The following MBOAT1 variants were observed in gnomAD, a reference collection of about 807,000 sequenced individuals.
MBOAT1 encodes the protein membrane-bound glycerophospholipid O-acyltransferase 1.
A neutral mutation model predicts 64.4 loss-of-function variants in MBOAT1; 67 were observed. The observed-to-expected ratio is 1.04, with a 90% confidence interval of 0.85 to 1.27. MBOAT1 has a LOEUF of 1.27. MBOAT1 is among the 50% of genes most tolerant of loss of function. The pLI is 0.00. For missense variants in MBOAT1, 563 were observed against 604.6 expected (o/e 0.93, Z 0.72); for synonymous variants, 229 against 218.9 (o/e 1.05, Z -0.41).
chr6:20,133,682 C>T lies in MBOAT1; in HGVS notation c.420-2483G>A, dbSNP rs576067040. ...ATGTTCAATTGATAAAGAGATAAGA[C>T]GTGTCATGGTATTAGCCTATCTTTC... On this transcript the variant is annotated intron_variant, in intron 4 of 12. Coordinates refer to ENST00000324607, the MANE Select transcript of MBOAT1 (RefSeq NM_001080480.3). 7.9e-5 allele frequency among the ~76,000 whole-genome samples: 12 copies of T among 152,296 alleles called. No individual in the cohort carries two copies. The South Asian group carries it at 1.7e-3, about 21-fold the overall frequency.
At chr6:20,106,863 C>G (rs1250909383) in intron 12 of MBOAT1, among the ~76,000 whole-genome samples, 1 of 152,116 alleles carries the variant, frequency 6.6e-6, no homozygotes, top group Non-Finnish European at 1.5e-5. Flanking sequence ...CTGTTTCATC[C>G]TAAACAAAGG....
intron 1 of MBOAT1, among the ~76,000 whole-genome samples, chr6:20,178,161 C>T (rs574348499): frequency 5.3e-5 from 8 of 152,264 alleles, no homozygotes; most frequent in African/African-American, 1.4e-4. Context: ...TTTTCAATGG[C>T]GTAAACTTAA....
intron 4 of MBOAT1, 24 bp from the exon 5 acceptor site, chr6:20,131,223 C>G (rs1760819219): frequency 6.2e-7 from 1 of 1,606,492 alleles, no homozygotes; most frequent in East Asian, 2.2e-5. Flanking sequence ...AGAAAATAAT[C>G]AAGATTGGCA....
chr6:20,192,680 G>A (rs561609379), intron 1 of MBOAT1, among the ~76,000 whole-genome samples: 23 of 152,286 alleles, frequency 1.5e-4, no homozygotes, highest in East Asian at 1.2e-3. Context: ...CCTAAAGAGC[G>A]CACTAAAACC....
intron 1 of MBOAT1, among the ~76,000 whole-genome samples, chr6:20,191,526 C>T (rs1762800968): frequency 6.6e-6 from 1 of 152,184 alleles, no homozygotes; most frequent in Admixed American, 6.5e-5. Context: ...CAGTGTCCCT[C>T]CTAAAAGTTA....
chr6:20,168,966 G>A (rs1160296836), intron 1 of MBOAT1, among the ~76,000 whole-genome samples: 3 of 151,928 alleles, frequency 2.0e-5, no homozygotes, highest in South Asian at 2.1e-4. Flanking sequence ...AGAAGAAAAC[G>A]ATGGAACAGA....
Position 20,212,235 on chromosome 6 carries a change from C to T in MBOAT1, c.-1G>A, listed in dbSNP as rs772465392. 1 of 1,611,250 alleles carries T rather than the reference C, an allele frequency of 6.2e-7. No homozygotes were observed. The highest frequency in any genetic ancestry group is 1.7e-5 in the Admixed American group (1 of 59,896). On this transcript the variant is annotated 5_prime_UTR_variant, in exon 1 of 13. Coordinates refer to ENST00000324607, the MANE Select transcript of MBOAT1 (RefSeq NM_001080480.3). Reference sequence around the variant, plus strand: ...TGGACGGCTGCGGCTCTGCTGCCATCCTGCATCTTCGGGAGGTGGCTGCCC... The same window carrying T: ...TGGACGGCTGCGGCTCTGCTGCCATTCTGCATCTTCGGGAGGTGGCTGCCC...
chr6:20,110,162 G>A (rs1367768276), intron 11 of MBOAT1, among the ~76,000 whole-genome samples: 2 of 151,394 alleles, frequency 1.3e-5, no homozygotes, highest in Non-Finnish European at 2.9e-5. Flanking sequence ...GCCCACCTTG[G>A]CCGCCCAAAG....
chr6:20,109,649 G>T lies in MBOAT1; in HGVS notation c.1310C>A (p.Thr437Lys). 1 of 1,614,172 alleles carries T rather than the reference G, an allele frequency of 6.2e-7. No homozygotes were observed. The change falls in exon 12 of 13, where the codon ACG becomes AAG. Residue 437 changes from threonine (T) to lysine (K), a missense_variant. Physicochemically the swap from Thr to Lys is moderately conservative, Grantham distance 78 (BLOSUM62 -1). Transcript: ENST00000324607. Reference protein sequence around the residue: ...WAVTQLAVSYTVAPFVMLAVE... With the variant: ...WAVTQLAVSYKVAPFVMLAVE... Reference sequence around the variant, plus strand: ...TGCCAACATCACAAAGGGTGCTACCGTGTAAGAGACAGCCAGCTGAGTGAC... The same window carrying T: ...TGCCAACATCACAAAGGGTGCTACCTTGTAAGAGACAGCCAGCTGAGTGAC...
intron 4 of MBOAT1, among the ~76,000 whole-genome samples, chr6:20,139,011 C>G (rs1038098330): frequency 6.6e-6 from 1 of 152,184 alleles, no homozygotes; most frequent in African/African-American, 2.4e-5. Flanking sequence ...TGGCCGTCTT[C>G]CCTGTATGCA....
intron 1 of MBOAT1, among the ~76,000 whole-genome samples, chr6:20,168,190 T>C (rs982152230): frequency 2.6e-5 from 4 of 152,198 alleles, no homozygotes; most frequent in Non-Finnish European, 4.4e-5. Flanking sequence ...ATTATTTATT[T>C]TAAAATTCTT....
chr6:20,118,470 A>T lies in MBOAT1; in HGVS notation c.978T>A (p.Asp326Glu). The change falls in exon 9 of 13, where the codon GAT (aspartate) becomes GAA (glutamate). Residue 326 changes from aspartate (D) to glutamate (E), a missense_variant. Physicochemically the swap from Asp to Glu is conservative, Grantham distance 45. Transcript: ENST00000324607. ...GVDKNGNFCW[D>E]LLSNLNIWKI... is the part of the protein sequence containing the mutation. The stretch of plus-strand genomic sequence containing the variant: ...TCCAGATGTTTAGGTTCGAAAGCAG[A>T]TCCCAACAGAAATTCCCATTCTTAT... 6.2e-7 allele frequency: 1 copy of T among 1,614,084 alleles called. No individual in the cohort carries two copies. Among genetic ancestry groups the T allele is most frequent in the Non-Finnish European group, 8.5e-7 (1 of 1,180,010 alleles).
chr6:20,157,472 G>A (rs1452688648), intron 1 of MBOAT1, among the ~76,000 whole-genome samples: 1 of 152,202 alleles, frequency 6.6e-6, no homozygotes, highest in Non-Finnish European at 1.5e-5. Flanking sequence ...AGGATGGCAG[G>A]AATCTAGGCA....
At chr6:20,168,511 AG>A (rs1266091777) in intron 1 of MBOAT1, among the ~76,000 whole-genome samples, 11 of 137,544 alleles carry the variant, frequency 8.0e-5, no homozygotes, top group African/African-American at 2.7e-4. Context: ...GAGAGAGGAG[AG>A]GAGAGGAGAG....
chr6:20,179,392 G>C (rs1202207), intron 1 of MBOAT1, among the ~76,000 whole-genome samples: 1 of 151,890 alleles, frequency 6.6e-6, no homozygotes, highest in African/African-American at 2.4e-5. Context: ...CCACTTATAA[G>C]TGAAAACATG....
intron 12 of MBOAT1, among the ~76,000 whole-genome samples, chr6:20,109,095 A>G (rs1202100935): frequency 6.6e-6 from 1 of 152,168 alleles, no homozygotes; most frequent in Non-Finnish European, 1.5e-5. Flanking sequence ...TCAATTCCAC[A>G]TATACCCCTC....
At chr6:20,152,819 G>GT in intron 1 of MBOAT1, 50 bp from the exon 2 acceptor site, 1 of 1,540,568 alleles carries the variant, frequency 6.5e-7, no homozygotes, top group South Asian at 1.2e-5. Context: ...TTTCGTCTTG[G>GT]TTTTTTTGTT....
chr6:20,176,595 T>C (rs1389723014), intron 1 of MBOAT1, among the ~76,000 whole-genome samples: 2 of 152,340 alleles, frequency 1.3e-5, no homozygotes, highest in African/African-American at 4.8e-5. Flanking sequence ...TCTGTTATGA[T>C]AATGATGATG....
At chr6:20,155,691 A>C (rs1206731383) in intron 1 of MBOAT1, among the ~76,000 whole-genome samples, 1 of 152,210 alleles carries the variant, frequency 6.6e-6, no homozygotes, top group Non-Finnish European at 1.5e-5. Context: ...GTTATAGCCC[A>C]GAAAAACAAG....
Sources: allele counts gnomAD v4.1 joint callset (sites outside exome capture counted in the v4.1 genomes callset), GRCh38; gene constraint gnomAD v4.1.1; transcripts MANE v1.5; gene names NCBI Gene and HGNC (gene_info 2026-07-23, HGNC 2026-07-21).